SLC35A1: variants seen among roughly 807,000 people sequenced by gnomAD.
The protein encoded by SLC35A1 is CMP-sialic acid transporter.
Under a neutral mutation model 40.3 loss-of-function variants are expected in SLC35A1, and 21 were observed. The ratio of observed to expected loss-of-function variants is 0.52; its 90% CI spans 0.37 to 0.75. The LOEUF (loss-of-function observed/expected upper bound fraction) is 0.75, where lower values mean the gene tolerates loss of function less well. SLC35A1 is among the 30% of genes least tolerant of loss of function. SLC35A1 has a pLI of 0.00. For missense variants in SLC35A1, 297 were observed against 382.1 expected (o/e 0.78, Z 1.86); for synonymous variants, 146 against 147.3 (o/e 0.99, Z 0.06).
chr6:87,508,031 AG>A, intron 5 of SLC35A1, among the ~76,000 whole-genome samples: 1 of 152,242 alleles, frequency 6.6e-6, no homozygotes, highest in South Asian at 2.1e-4. Context: ...CAGATATTAC[AG>A]GGATGTGATT....
Position 87,473,018 on chromosome 6 carries a change from A to G in SLC35A1, c.15A>G (p.Arg5=). The G allele has an allele frequency of 1.5e-6, 1 of 664,970 alleles. No individual in the cohort carries two copies. The highest frequency in any genetic ancestry group is 2.9e-5 in the South Asian group (1 of 34,060). The allele number at this position is 664,970 out of a possible 1,614,324, so 41.2% of individuals were successfully genotyped here. MAAP[R]DNVTLLFKLY... ...GTCGGGGAACCATGGCTGCCCCGAG[A>G]GGTGAGAACTGGGTCTGCTGGGAGT... The change falls in exon 1 of 8, where the codon AGA becomes AGG. Residue 5 remains arginine, a splice_region_variant and synonymous_variant. Coordinates refer to ENST00000369552, the MANE Select transcript of SLC35A1 (RefSeq NM_006416.5).
intron 6 of SLC35A1, among the ~76,000 whole-genome samples, 184 bp from the exon 7 acceptor site, chr6:87,508,857 G>C (rs1367578163): frequency 6.8e-6 from 1 of 146,366 alleles, no homozygotes; most frequent in Non-Finnish European, 1.5e-5. Context: ...CATTGTTTTG[G>C]AAAAACAGTG....
Position 87,511,525 on chromosome 6 carries a change from G to A in SLC35A1, c.1013G>A (p.Ter338=). 3 of 1,613,962 alleles carry A rather than the reference G, an allele frequency of 1.9e-6. No homozygotes were observed. Among genetic ancestry groups the A allele is most frequent in the Non-Finnish European group, 2.5e-6 (3 of 1,179,938 alleles). ...TCAAAGGAGAGAGTTATTGGTGTGT[G>A]ATTTTAGCCTCACGTGAGACTCCTT... The part of the protein sequence containing the change: ...TASKERVIGV[*] The change falls in exon 8 of 8, where the codon TGA becomes TAA. Residue 338 remains the stop codon, a stop_retained_variant. Coordinates refer to ENST00000369552, the MANE Select transcript of SLC35A1 (RefSeq NM_006416.5).
chr6:87,495,832 T>C (rs1170753145), intron 2 of SLC35A1, among the ~76,000 whole-genome samples: 1 of 152,026 alleles, frequency 6.6e-6, no homozygotes, highest in African/African-American at 2.4e-5. Context: ...ATTTTTTGTA[T>C]TTTTAGTAGA....
At chr6:87,484,535 A>G (rs1461615195) in intron 2 of SLC35A1, among the ~76,000 whole-genome samples, 1 of 152,198 alleles carries the variant, frequency 6.6e-6, no homozygotes, top group African/African-American at 2.4e-5. Flanking sequence ...TAGACCGCAC[A>G]GGCTAAACTA....
chr6:87,494,746 T>C (rs1263230205), intron 2 of SLC35A1, among the ~76,000 whole-genome samples: 1 of 152,148 alleles, frequency 6.6e-6, no homozygotes, highest in African/African-American at 2.4e-5. Context: ...TTTTAAGTTA[T>C]CAATTTCTAA....
intron 7 of SLC35A1, 86 bp from the exon 8 acceptor site, chr6:87,511,313 A>G (rs1421854467): frequency 1.4e-6 from 2 of 1,422,884 alleles, no homozygotes; most frequent in Non-Finnish European, 2.0e-6. Flanking sequence ...TAAACCCACA[A>G]TTAAGAGTTT....
In SLC35A1 at chr6:87,499,248, T is replaced by C. The variant is rs1201407135; in HGVS notation, c.195-1260T>C. The stretch of plus-strand genomic sequence containing the variant: ...TTTGCAGCATTTAAAAATGAAAAAA[T>C]TCAACTCACAACTGTTGATTCTAAT... On this transcript the variant is annotated intron_variant, in intron 2 of 7. Coordinates refer to ENST00000369552, the MANE Select transcript of SLC35A1 (RefSeq NM_006416.5). 7 of 334,960 alleles carry C rather than the reference T, an allele frequency of 2.1e-5. No homozygotes were observed. In the Admixed American group the frequency reaches 4.5e-4, roughly 22 times the overall value. The allele number at this position is 334,960 out of a possible 1,614,324, so 20.7% of individuals were successfully genotyped here.
intron 5 of SLC35A1, among the ~76,000 whole-genome samples, chr6:87,507,482 T>C (rs1305522093): frequency 6.6e-6 from 1 of 152,214 alleles, no homozygotes; most frequent in African/African-American, 2.4e-5. Context: ...GGTGGTTTAA[T>C]ATCTCTCTGT....
At chr6:87,503,720 T>C (rs903593318) in intron 4 of SLC35A1, among the ~76,000 whole-genome samples, 4 of 152,052 alleles carry the variant, frequency 2.6e-5, no homozygotes, top group African/African-American at 9.7e-5. Flanking sequence ...TCAATAATAA[T>C]AATAATAACA....
chr6:87,483,067 A>G (rs1769288647), intron 2 of SLC35A1, among the ~76,000 whole-genome samples: 1 of 149,048 alleles, frequency 6.7e-6, no homozygotes, highest in Admixed American at 6.7e-5. Flanking sequence ...GGAGTGTTAT[A>G]GAGTCACGGA....
In SLC35A1 at chr6:87,508,523, C is replaced by T. The variant is rs922502109; in HGVS notation, c.678C>T (p.Tyr226=). 5 of 1,612,908 alleles carry T rather than the reference C, an allele frequency of 3.1e-6. No homozygotes were observed. Among genetic ancestry groups the T allele is most frequent in the Non-Finnish European group, 4.2e-6 (5 of 1,179,370 alleles). The part of the protein sequence containing the change: ...SGIIVTLAGV[Y]LSDGAEIKEK... ...TTATTGTGACATTAGCTGGCGTCTA[C>T]TTGTCAGATGGAGCTGAAATTAAAG... Residue 226 remains tyrosine (Y), a synonymous_variant, in exon 6 of 8, where the codon TAC becomes TAT. Transcript: ENST00000369552.
intron 2 of SLC35A1, among the ~76,000 whole-genome samples, chr6:87,481,404 C>T (rs1264410328): frequency 1.4e-5 from 2 of 144,944 alleles, no homozygotes; most frequent in Non-Finnish European, 3.0e-5. Context: ...GCAACAAGAG[C>T]GAAACTCTGA....
intron 2 of SLC35A1, among the ~76,000 whole-genome samples, chr6:87,478,008 G>C (rs1210300273): frequency 6.6e-6 from 1 of 152,210 alleles, no homozygotes; most frequent in Non-Finnish European, 1.5e-5. Context: ...AACATTTCTT[G>C]AGTGTTTCCT....
chr6:87,497,605 A>C (rs1419159182), intron 2 of SLC35A1, among the ~76,000 whole-genome samples: 1 of 152,194 alleles, frequency 6.6e-6, no homozygotes, highest in Non-Finnish European at 1.5e-5. Flanking sequence ...AGGTATCGTG[A>C]TTATTTGGAG....
At position 87,494,421 on chromosome 6, in the gene SLC35A1, A is replaced by T. The variant is rs961322131; in HGVS notation, c.195-6087A>T. 5.6e-5 allele frequency among the ~76,000 whole-genome samples: 7 copies of T among 124,154 alleles called. No individual in the cohort carries two copies. In the East Asian group the frequency reaches 1.4e-3, roughly 25 times the overall value. The allele number at this position is 124,154 out of a possible 152,430, so 81.4% of individuals were successfully genotyped here. A position where few individuals can be genotyped will look rare whatever the true frequency, so the allele number is the denominator to read the frequency against. ...TAAGGTGATTTTTTTTAAATATTTG[A>T]ATTTTTTTTTTTTTTTTTTGAGACA... On this transcript the variant is annotated intron_variant, in intron 2 of 7. Transcript: ENST00000369552.
At chr6:87,489,963 T>A (rs977745106) in intron 2 of SLC35A1, among the ~76,000 whole-genome samples, 1 of 152,034 alleles carries the variant, frequency 6.6e-6, no homozygotes, top group Non-Finnish European at 1.5e-5. Flanking sequence ...GTGTAGTGGC[T>A]CACACCTGTA....
intron 2 of SLC35A1, among the ~76,000 whole-genome samples, chr6:87,491,529 C>T (rs1445170703): frequency 2.0e-5 from 3 of 152,166 alleles, no homozygotes; most frequent in Non-Finnish European, 4.4e-5. Context: ...CAAAGATAAG[C>T]ACAGTGGCGT....
rs138081560 is a variant in SLC35A1 at position 87,510,089 on chromosome 6, A to G, written c.886+914A>G. On this transcript the variant is annotated intron_variant, in intron 7 of 7. Transcript: ENST00000369552. ...TTTCTTAACTGTGCAGCCTTGGGGA[A>G]GTTATATTCCCTGGGTGACACTTTC... 9.8e-3 allele frequency among the ~76,000 whole-genome samples: 1,493 copies of G among 152,292 alleles called. 9 individuals carry two copies. The highest frequency in any genetic ancestry group is 0.016 in the Non-Finnish European group (1,064 of 68,010).
Sources: allele counts gnomAD v4.1 joint callset (sites outside exome capture counted in the v4.1 genomes callset), GRCh38; gene constraint gnomAD v4.1.1; transcripts MANE v1.5; gene names NCBI Gene and HGNC (gene_info 2026-07-23, HGNC 2026-07-21).